PKD1L1: variants seen among roughly 807,000 people sequenced by gnomAD.
The protein encoded by PKD1L1 is polycystin 1 like 1, transient receptor potential channel interacting.
In PKD1L1, 236 loss-of-function variants were observed where a neutral mutation model predicts 323.4. The ratio of observed to expected loss-of-function variants is 0.73; its 90% CI spans 0.66 to 0.81. PKD1L1 has a LOEUF of 0.81. Ranked by LOEUF, PKD1L1 falls within the 40% of genes least tolerant of loss-of-function variation. The pLI is 0.00. For synonymous variants in PKD1L1, 1,344 were observed against 1,335.0 expected (o/e 1.01, Z -0.15); for missense variants, 3,320 against 3,508.0 (o/e 0.95, Z 1.35).
At chr7:47,878,973 CTG>C (rs1374884970) in intron 21 of PKD1L1, among the ~76,000 whole-genome samples, 2 of 152,224 alleles carry the variant, frequency 1.3e-5, no homozygotes, top group African/African-American at 4.8e-5. Flanking sequence ...GCTAAGAGAA[CTG>C]TCTTTAGACT....
intron 7 of PKD1L1, among the ~76,000 whole-genome samples, chr7:47,916,042 G>T (rs373048263): frequency 6.6e-6 from 1 of 152,124 alleles, no homozygotes; most frequent in African/African-American, 2.4e-5. Context: ...ATATATTTCC[G>T]ATGCTATTCA....
rs373360429 is a variant in PKD1L1 at position 47,800,729 on chromosome 7, G to A, written c.8113C>T (p.Leu2705Phe). ...RRSQKDCLLG[L>F]SKSDQRAMAC... ...ATGGCCCGCTGGTCAGACTTGGAAA[G>A]GCCAAGGAGGCAGTCTTTTTGGCTT... The change falls in exon 54 of 57, where the codon CTT (leucine) becomes TTT (phenylalanine). Residue 2705 changes from leucine (L) to phenylalanine (F), a missense_variant. Coordinates refer to ENST00000289672, the MANE Select transcript of PKD1L1 (RefSeq NM_138295.5). 37 of 1,614,196 alleles carry A rather than the reference G, an allele frequency of 2.3e-5. No individual in the cohort carries two copies. The African/African-American group carries it at 3.2e-4, about 14-fold the overall frequency.
intron 23 of PKD1L1, among the ~76,000 whole-genome samples, chr7:47,875,130 T>A (rs931800429): frequency 6.6e-6 from 1 of 152,132 alleles, no homozygotes; most frequent in African/African-American, 2.4e-5. Flanking sequence ...TCAAGAAAAC[T>A]CAAGATCAAA....
chr7:47,831,165 C>T (rs987949208), intron 42 of PKD1L1, 52 bp downstream of exon 42: 26 of 1,568,326 alleles, frequency 1.7e-5, no homozygotes, highest in South Asian at 2.4e-5. Flanking sequence ...TTTACAAATG[C>T]GAGACTTTCC....
intron 3 of PKD1L1, among the ~76,000 whole-genome samples, chr7:47,939,754 G>A (rs560847597): frequency 1.2e-3 from 182 of 152,230 alleles, no homozygotes; most frequent in African/African-American, 2.2e-3. Context: ...GAGCCATCTC[G>A]GGGCAGCTCC....
intron 34 of PKD1L1, 89 bp downstream of exon 34, chr7:47,842,873 A>G: frequency 8.0e-7 from 1 of 1,251,920 alleles, no homozygotes; most frequent in Non-Finnish European, 1.1e-6. Context: ...GACAGGTGAC[A>G]GACGGGGCAG....
chr7:47,840,334 A>G lies in PKD1L1; in HGVS notation c.5552+127T>C. On this transcript the variant is annotated intron_variant, in intron 35 of 56. Coordinates refer to ENST00000289672, the MANE Select transcript of PKD1L1 (RefSeq NM_138295.5). This position sits in a 1 kb window ranked among gnomAD's most constrained non-coding sequence, Gnocchi z 4.1. ...AAAAATACATCATAAAATTGTTTGT[A>G]TATAAATCGATGCTCACTATTAGAG... 2 of 623,368 alleles carry G rather than the reference A, an allele frequency of 3.2e-6. No homozygotes were observed. Among genetic ancestry groups the G allele is most frequent in the Non-Finnish European group, 5.7e-6 (2 of 351,544 alleles). 38.6% of individuals were successfully genotyped at this position (623,368 alleles called of 1,614,324 possible).
chr7:47,821,323 C>A, intron 45 of PKD1L1, 137 bp from the exon 46 acceptor site: 1 of 521,696 alleles, frequency 1.9e-6, no homozygotes, highest in South Asian at 2.9e-5. Context: ...GGCTGGAGTG[C>A]AGTGGCACAA....
chr7:47,925,638 T>TC (rs906058606), intron 7 of PKD1L1, among the ~76,000 whole-genome samples: 1 of 152,090 alleles, frequency 6.6e-6, no homozygotes, highest in Non-Finnish European at 1.5e-5. Flanking sequence ...CACGATACCC[T>TC]CCTCCCATTG....
chr7:47,818,004 C>T (rs966465686), intron 46 of PKD1L1: 8 of 1,351,290 alleles, frequency 5.9e-6, no homozygotes, highest in Non-Finnish European at 7.9e-6. Flanking sequence ...GTTTATACAT[C>T]TTTAGAACTT....
intron 55 of PKD1L1, among the ~76,000 whole-genome samples, chr7:47,794,901 C>A (rs1784484414): frequency 6.6e-6 from 1 of 152,132 alleles, no homozygotes; most frequent in South Asian, 2.1e-4. Context: ...GGGCCTGTAA[C>A]CCCTTGGTTT....
intron 52 of PKD1L1, among the ~76,000 whole-genome samples, chr7:47,806,335 G>A (rs1309670257): frequency 1.3e-5 from 2 of 152,244 alleles, no homozygotes; most frequent in Non-Finnish European, 2.9e-5. Context: ...GAGACAGAAA[G>A]CTGGCCGCTA....
intron 50 of PKD1L1, among the ~76,000 whole-genome samples, chr7:47,811,157 T>C (rs976003051): frequency 3.3e-5 from 5 of 149,310 alleles, no homozygotes; most frequent in Admixed American, 3.3e-4. Context: ...TCTCCTTCTT[T>C]TTTTTTTTTT....
chr7:47,844,904 T>C lies in PKD1L1; in HGVS notation c.5237+91A>G, dbSNP rs1583615285. The C allele has an allele frequency of 3.1e-5, 32 of 1,036,678 alleles. No individual in the cohort carries two copies. In the East Asian group the frequency reaches 7.6e-4, roughly 25 times the overall value. 64.2% of individuals were successfully genotyped at this position (1,036,678 alleles called of 1,614,324 possible). On this transcript the variant is annotated intron_variant, in intron 33 of 56. Transcript: ENST00000289672. ...GCAATGATAGTAAGTAACATGGATT[T>C]CAAGCACCCCCGGAATTATATGTGG...
rs1307408863 is a variant in PKD1L1 at position 47,834,367 on chromosome 7, C to G, written c.6146G>C (p.Arg2049Thr). The G allele has an allele frequency of 6.2e-7, 1 of 1,613,996 alleles. No individual in the cohort carries two copies. The highest frequency in any genetic ancestry group is 1.1e-5 in the South Asian group (1 of 91,066). Reference protein sequence around the residue: ...EAPHGPNSWGRIPDAQEPRKQ... With the variant: ...EAPHGPNSWGTIPDAQEPRKQ... ...GCGTGGCTCCTGTGCGTCTGGTATC[C>G]TTCCCCAGGAATTAGGACCTGATTC... The change falls in exon 40 of 57, where the codon AGG (arginine) becomes ACG (threonine). Residue 2049 changes from arginine to threonine, a missense_variant. Arg to Thr is a moderately conservative substitution (Grantham distance 71). Transcript: ENST00000289672.
intron 47 of PKD1L1, 72 bp from the exon 48 acceptor site, chr7:47,814,086 A>G (rs2128730317): frequency 7.8e-7 from 1 of 1,274,342 alleles, no homozygotes; most frequent in Non-Finnish European, 1.1e-6. Context: ...AGCGTGCTCA[A>G]AAGGCGTGGG....
chr7:47,789,964 C>T (rs1253337923), intron 56 of PKD1L1, among the ~76,000 whole-genome samples: 2 of 151,958 alleles, frequency 1.3e-5, no homozygotes, highest in Admixed American at 1.3e-4. Context: ...TCTCGGCTCA[C>T]CGCAACCTCT....
intron 40 of PKD1L1, 31 bp from the exon 41 acceptor site, chr7:47,833,283 A>G (rs1470993930): frequency 1.2e-6 from 2 of 1,603,376 alleles, no homozygotes; most frequent in Admixed American, 1.7e-5. Flanking sequence ...CAAGGTTAAT[A>G]TCTCCACAGA....
In PKD1L1 at chr7:47,915,568, C is replaced by T; in HGVS notation, c.1092G>A (p.Leu364=). 1 of 1,534,924 alleles carries T rather than the reference C, an allele frequency of 6.5e-7. No homozygotes were observed. The highest frequency in any genetic ancestry group is 8.9e-7 in the Non-Finnish European group (1 of 1,122,048). The change falls in exon 8 of 57, where the codon TTG becomes TTA. Residue 364 remains leucine, a synonymous_variant. Coordinates refer to ENST00000289672, the MANE Select transcript of PKD1L1 (RefSeq NM_138295.5). The stretch of plus-strand genomic sequence containing the variant: ...CTGCTTCTTTGTAGGTGGACATATC[C>T]AACTGAAAATGTAAAAGATGAAAAA... The part of the protein sequence containing the change: ...GIFFHLLHFQ[L]DMSTYKEAET...
Sources: gnomAD v4.1 joint callset for allele counts (sites outside exome capture counted in the v4.1 genomes callset) on GRCh38, gnomAD v4.1.1 for gene constraint, Gnocchi (gnomAD v3.1) non-coding constraint, MANE v1.5 for transcripts, NCBI Gene and HGNC (gene_info 2026-07-23, HGNC 2026-07-21) for gene names.